NR5A1: variants seen among roughly 807,000 people sequenced by gnomAD.
NR5A1 encodes nuclear receptor subfamily 5 group A member 1, also known as steroidogenic factor 1.
NR5A1 carries 6 observed loss-of-function variants against 42.7 expected under a neutral mutation model. The observed-to-expected ratio is 0.14, with a 90% CI of 0.08 to 0.28. The LOEUF is 0.28. NR5A1 is among the 10% of genes least tolerant of loss of function. The pLI, the probability that NR5A1 is intolerant of heterozygous loss-of-function variation, is 1.00. For synonymous variants in NR5A1, 274 were observed against 277.5 expected (o/e 0.99, Z 0.12); for missense variants, 442 against 626.4 (o/e 0.71, Z 3.14).
At chr9:124,504,293 G>A (rs1045533477) in intron 1 of NR5A1, among the ~76,000 whole-genome samples, 1 of 152,182 alleles carries the variant, frequency 6.6e-6, no homozygotes, top group South Asian at 2.1e-4. Flanking sequence ...GGGGACAGGG[G>A]ACGCGCGGAA....
rs866511984 is a variant in NR5A1 at position 124,501,351 on chromosome 9, C to T, written c.245-636G>A. Among the ~76,000 whole-genome samples the T allele has an allele frequency of 4.6e-5, 7 of 152,220 alleles. No homozygotes were observed. Among genetic ancestry groups the T allele is most frequent in the African/African-American group, 1.4e-4 (6 of 41,444 alleles). On this transcript the variant is annotated intron_variant, in intron 3 of 6. Transcript: ENST00000373588. The surrounding 1 kb of genome is among the most constrained non-coding windows in gnomAD (Gnocchi z 4.1). The stretch of plus-strand genomic sequence containing the variant: ...TGACTCAAGTATCCTTCACTGGCTG[C>T]GAATGTGAAGCCAAGTTTAGAGCTG...
chr9:124,494,700 C>A (rs1832362165), intron 4 of NR5A1, among the ~76,000 whole-genome samples: 1 of 152,054 alleles, frequency 6.6e-6, no homozygotes, highest in East Asian at 1.9e-4. Context: ...GGCCACTCCC[C>A]ACCTGGGGCC....
chr9:124,496,495 C>T lies in NR5A1; in HGVS notation c.871-3346G>A, dbSNP rs1481654092. Among the ~76,000 whole-genome samples the T allele has an allele frequency of 1.3e-5, 2 of 152,252 alleles. No individual in the cohort carries two copies. Among genetic ancestry groups the T allele is most frequent in the Admixed American group, 1.3e-4 (2 of 15,292 alleles). On this transcript the variant is annotated intron_variant, in intron 4 of 6. Transcript: ENST00000373588. This position sits in a 1 kb window ranked among gnomAD's most constrained non-coding sequence, Gnocchi z 5.0. ...GCCACAAATCTTCCTGGAGCCTTGA[C>T]GCTCTGCAGGCTGCCTCAGAGACCC...
intron 4 of NR5A1, 150 bp from the exon 5 acceptor site, chr9:124,493,299 C>A: frequency 9.3e-7 from 1 of 1,069,854 alleles, no homozygotes; most frequent in Non-Finnish European, 1.3e-6. Context: ...TCTAGGCTAT[C>A]AAAGTGCAAC....
intron 6 of NR5A1, 132 bp from the exon 7 acceptor site, chr9:124,483,137 C>G: frequency 6.3e-7 from 1 of 1,587,262 alleles, no homozygotes; most frequent in Non-Finnish European, 8.5e-7. Context: ...CTGCCACCAA[C>G]CATGCAACAT....
At chr9:124,483,209 CCAT>C (rs1564147028) in intron 6 of NR5A1, among the ~76,000 whole-genome samples, 2 of 152,238 alleles carry the variant, frequency 1.3e-5, no homozygotes, top group Non-Finnish European at 2.9e-5. Context: ...ACAAACACCA[CCAT>C]CGTCACCAAT....
At position 124,500,570 on chromosome 9, in the gene NR5A1, C is replaced by T. The variant is rs368717361; in HGVS notation, c.390G>A (p.Pro130=). The part of the protein sequence containing the change: ...LETGPPMGVP[P]PPPPAPDYVL... ...CGTAGTCCGGTGCGGGAGGGGGCGG[C>T]GGGGGCACCCCCATCGGGGGCCCTG... The change falls in exon 4 of 7, where the codon CCG becomes CCA. Residue 130 remains proline (P), a synonymous_variant. Coordinates refer to ENST00000373588, the MANE Select transcript of NR5A1 (RefSeq NM_004959.5). This position sits in a 1 kb window ranked among gnomAD's most constrained non-coding sequence, Gnocchi z 6.9. The T allele has an allele frequency of 6.6e-5, 106 of 1,611,698 alleles. No individual in the cohort carries two copies. In the African/African-American group the frequency reaches 8.5e-4, roughly 13 times the overall value.
rs568339675 is a variant in NR5A1 at position 124,501,389 on chromosome 9, T to A, written c.245-674A>T. ...AAGTTTAGAGCTGGCCAAGGCTCTA[T>A]GCTGGGGGAGGGGACCTCTCTTGCC... On this transcript the variant is annotated intron_variant, in intron 3 of 6. Transcript: ENST00000373588. The surrounding 1 kb of genome is among the most constrained non-coding windows in gnomAD (Gnocchi z 4.1). Among the ~76,000 whole-genome samples the A allele has an allele frequency of 6.6e-6, 1 of 152,208 alleles. No individual in the cohort carries two copies. The highest frequency in any genetic ancestry group is 1.5e-5 in the Non-Finnish European group (1 of 68,030).
rs1395367197 is a variant in NR5A1, at chr9:124,482,149, A to G, written c.*609T>C. 6.3e-6 allele frequency: 1 copy of G among 159,008 alleles called. No homozygotes were observed. Among genetic ancestry groups the G allele is most frequent in the Admixed American group, 5.9e-5 (1 of 17,032 alleles). 9.8% of individuals were successfully genotyped at this position (159,008 alleles called of 1,614,324 possible). On this transcript the variant is annotated 3_prime_UTR_variant, in exon 7 of 7. Transcript: ENST00000373588. The stretch of plus-strand genomic sequence containing the variant: ...ATCAATGCCCCCTCTTGCAGAGGTC[A>G]GGTGGGGTAGAAGGGCTAGGGAGAA...
At chr9:124,488,792 G>A (rs1832260594) in intron 6 of NR5A1, among the ~76,000 whole-genome samples, 2 of 152,242 alleles carry the variant, frequency 1.3e-5, no homozygotes, top group South Asian at 4.1e-4. Flanking sequence ...ACCAGATTTA[G>A]AATCCACTCC....
In NR5A1 at chr9:124,503,151, C is replaced by T. The variant is rs774672292; in HGVS notation, c.172G>A (p.Asp58Asn). Residue 58 changes from aspartate (D) to asparagine (N), a missense_variant, in exon 3 of 7, where the codon GAC becomes AAC. By Grantham distance (23) the Asp-to-Asn change is conservative (BLOSUM62 1). Around this residue, in one of 3 missense-constraint regions of NR5A1, gnomAD observed 71 missense variants for 156.8 expected, o/e 0.45. Transcript: ENST00000373588. The surrounding 1 kb of genome is among the most constrained non-coding windows in gnomAD (Gnocchi z 9.6). Reference protein sequence around the residue: ...TCTESQSCKIDKTQRKRCPFC... With the variant: ...TCTESQSCKINKTQRKRCPFC... ...GGACAGCGCTTGCGCTGCGTCTTGT[C>T]GATCTTGCAGCTCTGGCTCTCGGTG... 4 of 1,599,156 alleles carry T rather than the reference C, an allele frequency of 2.5e-6. 1 individual carries two copies. Among genetic ancestry groups the T allele is most frequent in the Admixed American group, 1.7e-5 (1 of 58,504 alleles).
rs972209072 is a variant in NR5A1, at chr9:124,482,505, C to A, written c.*253G>T. ...GGGGGCGGGGCGGGTGGTTAACAGC[C>A]ACCTCCTTGGGGCACTCCAAGCAGC... On this transcript the variant is annotated 3_prime_UTR_variant, in exon 7 of 7. Coordinates refer to ENST00000373588, the MANE Select transcript of NR5A1 (RefSeq NM_004959.5). 69 of 546,994 alleles carry A rather than the reference C, an allele frequency of 1.3e-4. No homozygotes were observed. The highest frequency in any genetic ancestry group is 1.0e-3 in the African/African-American group (54 of 52,476). The allele number at this position is 546,994 out of a possible 1,614,324, so 33.9% of individuals were successfully genotyped here.
At chr9:124,499,019 G>A (rs1418765419) in intron 4 of NR5A1, among the ~76,000 whole-genome samples, 1 of 152,202 alleles carries the variant, frequency 6.6e-6, no homozygotes, top group African/African-American at 2.4e-5. Context: ...AGGCTGCAGT[G>A]GCCCCAGCAG....
rs1177473280 is a variant in NR5A1, at chr9:124,482,736, C to T, written c.*22G>A. On this transcript the variant is annotated 3_prime_UTR_variant, in exon 7 of 7. Coordinates refer to ENST00000373588, the MANE Select transcript of NR5A1 (RefSeq NM_004959.5). ...CCGCCCCCAGTCCCGCCCCCAGTCC[C>T]GGCCCCGCCCCCGGCCCAGGCTCAA... The T allele has an allele frequency of 4.0e-6, 6 of 1,516,834 alleles. No homozygotes were observed. The highest frequency in any genetic ancestry group is 1.4e-5 in the African/African-American group (1 of 71,492). 94.0% of individuals were successfully genotyped at this position (1,516,834 alleles called of 1,614,324 possible).
In NR5A1 at chr9:124,503,451, G is replaced by A. The variant is rs945250588; in HGVS notation, c.-15-41C>T. ...GGGTCAGGGAGGGCCGGCGGAGACCGGCAGCCTGGGGTCCCCGCGGCCGCC... is the reference window on the plus strand; with the variant it reads ...GGGTCAGGGAGGGCCGGCGGAGACCAGCAGCCTGGGGTCCCCGCGGCCGCC... On this transcript the variant is annotated intron_variant, in intron 1 of 6. Transcript: ENST00000373588. The surrounding 1 kb of genome is among the most constrained non-coding windows in gnomAD (Gnocchi z 9.6). The A allele has an allele frequency of 6.6e-7, 1 of 1,511,272 alleles. No homozygotes were observed. Among genetic ancestry groups the A allele is most frequent in the Non-Finnish European group, 9.0e-7 (1 of 1,115,282 alleles). 93.6% of individuals were successfully genotyped at this position (1,511,272 alleles called of 1,614,324 possible).
chr9:124,505,086 G>A (rs1210975825), intron 1 of NR5A1, among the ~76,000 whole-genome samples: 1 of 151,922 alleles, frequency 6.6e-6, no homozygotes, highest in East Asian at 1.9e-4. Flanking sequence ...GGCCCGCGCC[G>A]GCACCCTCTC....
In NR5A1 at chr9:124,503,144, G is replaced by C. The variant is rs1198949266; in HGVS notation, c.179C>G (p.Thr60Arg). ...GCAGAAGGGACAGCGCTTGCGCTGC[G>C]TCTTGTCGATCTTGCAGCTCTGGCT... ...TESQSCKIDK[T>R]QRKRCPFCRF... The change falls in exon 3 of 7, where the codon ACG becomes AGG. Residue 60 changes from threonine (T) to arginine (R), a missense_variant. This residue lies in a region of NR5A1 where 71 missense variants were observed against 156.8 expected (regional missense o/e 0.45). Coordinates refer to ENST00000373588, the MANE Select transcript of NR5A1 (RefSeq NM_004959.5). This position sits in a 1 kb window ranked among gnomAD's most constrained non-coding sequence, Gnocchi z 9.6. The C allele has an allele frequency of 1.3e-6, 2 of 1,598,590 alleles. No individual in the cohort carries two copies. Among genetic ancestry groups the C allele is most frequent in the Non-Finnish European group, 1.7e-6 (2 of 1,173,792 alleles).
chr9:124,506,063 C>A (rs1832553503), intron 1 of NR5A1, among the ~76,000 whole-genome samples: 1 of 152,244 alleles, frequency 6.6e-6, no homozygotes, highest in Admixed American at 6.5e-5. Flanking sequence ...AAGGCTCCAT[C>A]TGGGCTCCCG....
chr9:124,490,275 C>T (rs1832286519), intron 6 of NR5A1, among the ~76,000 whole-genome samples: 1 of 152,254 alleles, frequency 6.6e-6, no homozygotes, highest in Non-Finnish European at 1.5e-5. Context: ...TCAGCCCTAA[C>T]CACCCAGGCT....
Sources: gnomAD v4.1 joint callset for allele counts (sites outside exome capture counted in the v4.1 genomes callset) on GRCh38, gnomAD v4.1.1 for gene constraint, gnomAD v4.1.1 regional missense constraint, Gnocchi (gnomAD v3.1) non-coding constraint, MANE v1.5 for transcripts, NCBI Gene and HGNC (gene_info 2026-07-23, HGNC 2026-07-21) for gene names.